Variants in ERBIN observed in about 807,000 individuals in gnomAD.
ERBIN encodes erbb2 interacting protein.
A neutral mutation model predicts 158.4 loss-of-function variants in ERBIN; 60 were observed. The observed-to-expected ratio is 0.38, with a 90% CI of 0.31 to 0.47. The LOEUF (loss-of-function observed/expected upper bound fraction) is 0.47, where lower values mean the gene tolerates loss of function less well. Ranked by LOEUF, ERBIN falls within the 20% of genes least tolerant of loss-of-function variation. The pLI is 0.99. For missense variants in ERBIN, 1,610 were observed against 1,648.0 expected (o/e 0.98, Z 0.40); for synonymous variants, 594 against 557.2 (o/e 1.07, Z -0.93).
chr5:66,044,091 A>G (rs1758179249), intron 16 of ERBIN, 46 bp from the exon 17 acceptor site: 4 of 1,383,140 alleles, frequency 2.9e-6, no homozygotes, highest in Non-Finnish European at 3.9e-6. Context: ...TGAGATTGAC[A>G]TTAGAAATAT....
chr5:65,936,863 G>C (rs1250955665), intron 1 of ERBIN, among the ~76,000 whole-genome samples: 1 of 152,154 alleles, frequency 6.6e-6, no homozygotes, highest in Admixed American at 6.5e-5. Context: ...TAGCTAGCTA[G>C]AATCAAATTC....
At chr5:65,963,335 C>G (rs890208758) in intron 1 of ERBIN, among the ~76,000 whole-genome samples, 1 of 152,162 alleles carries the variant, frequency 6.6e-6, no homozygotes, top group Admixed American at 6.5e-5. Context: ...AAATGGAATT[C>G]TCAAGTTATC....
chr5:66,019,412 C>T (rs1253149610), intron 7 of ERBIN, among the ~76,000 whole-genome samples: 2 of 152,124 alleles, frequency 1.3e-5, no homozygotes, highest in Non-Finnish European at 2.9e-5. Flanking sequence ...AGATGTTTTA[C>T]TTTTCCTTTG....
At chr5:65,943,454 C>G (rs1176855806) in intron 1 of ERBIN, among the ~76,000 whole-genome samples, 1 of 152,136 alleles carries the variant, frequency 6.6e-6, no homozygotes, top group Non-Finnish European at 1.5e-5. Flanking sequence ...TTCACAATTT[C>G]TGGAAAACTG....
chr5:66,056,002 A>G (rs1175885465), intron 21 of ERBIN, among the ~76,000 whole-genome samples: 1 of 152,110 alleles, frequency 6.6e-6, no homozygotes, highest in Non-Finnish European at 1.5e-5. Flanking sequence ...CTCTGTACAC[A>G]CTGTTGAGGC....
intron 7 of ERBIN, among the ~76,000 whole-genome samples, chr5:66,017,066 T>C (rs527489155): frequency 6.6e-6 from 1 of 152,298 alleles, no homozygotes; most frequent in East Asian, 1.9e-4. Flanking sequence ...CCATTGTGTA[T>C]ATGTACCATA....
chr5:66,002,572 C>G (rs151269598), intron 4 of ERBIN, among the ~76,000 whole-genome samples: 1 of 152,270 alleles, frequency 6.6e-6, no homozygotes, highest in African/African-American at 2.4e-5. Context: ...TAGCTCAGAT[C>G]CTTCTGTCTA....
intron 17 of ERBIN, among the ~76,000 whole-genome samples, chr5:66,044,998 G>A (rs1758286809): frequency 6.6e-6 from 1 of 151,936 alleles, no homozygotes; most frequent in Admixed American, 6.6e-5. Flanking sequence ...GAGAGTCACT[G>A]GAGGCCAGGA....
chr5:65,947,677 G>A (rs1178634195), intron 1 of ERBIN, among the ~76,000 whole-genome samples: 4 of 152,084 alleles, frequency 2.6e-5, no homozygotes, highest in East Asian at 3.8e-4. Flanking sequence ...AATATGTCAC[G>A]AATTCTCCAG....
intron 1 of ERBIN, among the ~76,000 whole-genome samples, chr5:65,937,272 T>G (rs1744198093): frequency 6.6e-6 from 1 of 152,224 alleles, no homozygotes; most frequent in South Asian, 2.1e-4. Flanking sequence ...TGGAAAGTAT[T>G]TGCACCAAGA....
chr5:66,013,443 C>T, intron 5 of ERBIN, 106 bp from the exon 6 acceptor site: 4 of 827,464 alleles, frequency 4.8e-6, no homozygotes, highest in Non-Finnish European at 8.1e-6. Context: ...ATAACAGAAG[C>T]GACTGTTTTC....
At chr5:65,958,314 C>T (rs1260525507) in intron 1 of ERBIN, among the ~76,000 whole-genome samples, 1 of 152,198 alleles carries the variant, frequency 6.6e-6, no homozygotes, top group Non-Finnish European at 1.5e-5. Flanking sequence ...CGCCACTGCA[C>T]TCCAGCCTGG....
chr5:65,980,585 T>C (rs1750546222), intron 1 of ERBIN, among the ~76,000 whole-genome samples: 1 of 152,130 alleles, frequency 6.6e-6, no homozygotes, highest in Non-Finnish European at 1.5e-5. Flanking sequence ...TTCCTACAAA[T>C]GGGTACTTGA....
chr5:65,958,608 G>C (rs1008249336), intron 1 of ERBIN, among the ~76,000 whole-genome samples: 1 of 142,226 alleles, frequency 7.0e-6, no homozygotes, highest in Non-Finnish European at 1.5e-5. Flanking sequence ...GAGGGAGACC[G>C]TGGAAGGAGA....
At position 66,051,657 on chromosome 5, in the gene ERBIN, T is replaced by G. The variant is rs554503814; in HGVS notation, c.2087+691T>G. Among the ~76,000 whole-genome samples, 144 of 152,210 alleles carry G rather than the reference T, an allele frequency of 9.5e-4. 1 individual carries two copies. Among genetic ancestry groups the G allele is most frequent in the African/African-American group, 2.8e-3 (116 of 41,524 alleles). ...GTGTAATCCCAGCACTTCAGGAGGCTGCGGCAGGTGGATGGCTTGAGCCCA... is the reference window on the plus strand; with the variant it reads ...GTGTAATCCCAGCACTTCAGGAGGCGGCGGCAGGTGGATGGCTTGAGCCCA... On this transcript the variant is annotated intron_variant, in intron 20 of 25. Transcript: ENST00000284037.
At position 66,082,243 on chromosome 5, in the gene ERBIN, T is replaced by A. The variant is rs1265999156; in HGVS notation, c.*3713T>A. On this transcript the variant is annotated 3_prime_UTR_variant, in exon 26 of 26. Coordinates refer to ENST00000284037, the MANE Select transcript of ERBIN (RefSeq NM_001253697.2). ...GTTTAGAGAAAACACCTGAAATTTTTTTTAAGAGAACAACCTAGGTTTTAT... is the reference window on the plus strand; with the variant it reads ...GTTTAGAGAAAACACCTGAAATTTTATTTAAGAGAACAACCTAGGTTTTAT... 2 of 152,206 alleles carry A rather than the reference T, an allele frequency of 1.3e-5. No homozygotes were observed. The highest frequency in any genetic ancestry group is 2.9e-5 in the Non-Finnish European group (2 of 68,024). The allele number at this position is 152,206 out of a possible 1,614,324, so 9.4% of individuals were successfully genotyped here.
At chr5:65,952,624 G>C (rs1377404952) in intron 1 of ERBIN, among the ~76,000 whole-genome samples, 1 of 152,012 alleles carries the variant, frequency 6.6e-6, no homozygotes, top group Non-Finnish European at 1.5e-5. Context: ...AAGGTATATG[G>C]AAATAGAAGA....
chr5:66,031,184 T>C (rs75539957), intron 14 of ERBIN, among the ~76,000 whole-genome samples: 3,222 of 152,328 alleles, frequency 0.021, 121 homozygotes, highest in African/African-American at 0.072. Flanking sequence ...GGTTGTGAAT[T>C]ATAAAAGTAA....
chr5:65,942,864 C>G (rs896791170), intron 1 of ERBIN, among the ~76,000 whole-genome samples: 1 of 150,724 alleles, frequency 6.6e-6, no homozygotes, highest in Admixed American at 6.6e-5. Context: ...GCTGAGGTCA[C>G]GCCAGTGCAC....
Sources: allele counts gnomAD v4.1 joint callset (sites outside exome capture counted in the v4.1 genomes callset), GRCh38; gene constraint gnomAD v4.1.1; transcripts MANE v1.5; gene names NCBI Gene and HGNC (gene_info 2026-07-23, HGNC 2026-07-21).